Variants in COMMD5 observed in about 807,000 individuals in gnomAD.
The protein encoded by COMMD5 is COMM domain-containing protein 5.
In COMMD5, 10 loss-of-function variants were observed where a neutral mutation model predicts 6.9. That is an observed-to-expected ratio of 1.44 (90% CI 0.89 to 2.45). The LOEUF (loss-of-function observed/expected upper bound fraction) is 2.45, where lower values mean the gene tolerates loss of function less well. Among genes scored for constraint, COMMD5 ranks in the 30% most tolerant of loss-of-function variants. The pLI is 0.00. For synonymous variants in COMMD5, 127 were observed against 125.3 expected (o/e 1.01, Z -0.09); for missense variants, 234 against 287.8 (o/e 0.81, Z 1.35).
chr8:144,850,547 C>T lies in COMMD5; in HGVS notation c.*117G>A. The T allele has an allele frequency of 9.2e-7, 1 of 1,081,860 alleles. No homozygotes were observed. The highest frequency in any genetic ancestry group is 1.3e-6 in the Non-Finnish European group (1 of 760,008). 67.0% of individuals were successfully genotyped at this position (1,081,860 alleles called of 1,614,324 possible). A position where few individuals can be genotyped will look rare whatever the true frequency, so the allele number is the denominator to read the frequency against. On this transcript the variant is annotated 3_prime_UTR_variant, in exon 2 of 2. Coordinates refer to ENST00000305103, the MANE Select transcript of COMMD5 (RefSeq NM_014066.4). The surrounding 1 kb of genome is among the most constrained non-coding windows in gnomAD (Gnocchi z 4.0). ...CTACATAATTACGTTCAAACACTCA[C>T]TGAAGAGCCTGCCTCATGGGAAGGG...
chr8:144,842,510 C>T, intron 1 of COMMD5: 15 of 1,614,160 alleles, frequency 9.3e-6, no homozygotes, highest in Non-Finnish European at 1.3e-5. Flanking sequence ...GGAGAAAAAC[C>T]ATTTAAATGT....
chr8:144,841,319 G>C (rs771987821), exon 2 of COMMD5: 9 of 1,560,398 alleles, frequency 5.8e-6, no homozygotes, highest in Admixed American at 1.8e-5. Context: ...TCTGAGCACA[G>C]GGCCTAAGGA....
rs2727227 is a variant in COMMD5 at position 144,852,887 on chromosome 8, G to C, written c.-106C>G. 3,564 of 152,430 alleles carry C rather than the reference G, an allele frequency of 0.023. 215 individuals carry two copies. The highest frequency in any genetic ancestry group is 0.23 in the East Asian group (1,184 of 5,160). 9.4% of individuals were successfully genotyped at this position (152,430 alleles called of 1,614,324 possible). On this transcript the variant is annotated 5_prime_UTR_variant, in exon 1 of 2. Coordinates refer to ENST00000305103, the MANE Select transcript of COMMD5 (RefSeq NM_014066.4). ...AGCCCCGCAGTATCCAGAGCTCTCC[G>C]AACACAGCGGCGAAGCAGCCTTTCC...
chr8:144,847,351 A>G (rs1329507433), downstream of COMMD5: 1 of 152,196 alleles, frequency 6.6e-6, no homozygotes, highest in Admixed American at 6.5e-5. Flanking sequence ...AGGCCAAGGA[A>G]GGATCACGTG....
intron 1 of COMMD5, chr8:144,843,246 A>G (rs766639157): frequency 2.0e-5 from 29 of 1,436,664 alleles, no homozygotes; most frequent in Non-Finnish European, 2.7e-5. Flanking sequence ...AATCGTTTAT[A>G]CTGACAAACA....
intron 1 of COMMD5, 148 bp from the exon 2 acceptor site, chr8:144,851,543 G>T: frequency 1.6e-6 from 1 of 627,582 alleles, no homozygotes; most frequent in Non-Finnish European, 2.7e-6. Flanking sequence ...GGAAGCAGGT[G>T]GCAGAGGGGT....
chr8:144,846,200 C>A (rs1341164559), downstream of COMMD5: 4 of 1,533,602 alleles, frequency 2.6e-6, no homozygotes, highest in South Asian at 3.6e-5. Context: ...TCTGTGCTAA[C>A]CATAATGCTG....
At chr8:144,841,526 G>A (rs768584021) in exon 2 of COMMD5, 6 of 1,614,154 alleles carry the variant, frequency 3.7e-6, no homozygotes, top group Non-Finnish European at 5.1e-6. Context: ...GGCAGTCCCG[G>A]GCTGAAAGTG....
intron 1 of COMMD5, chr8:144,842,246 A>G: frequency 6.2e-7 from 1 of 1,614,184 alleles, no homozygotes; most frequent in Non-Finnish European, 8.5e-7. Context: ...CTAGCCCAGC[A>G]TCAAAGGATG....
At chr8:144,842,474 T>C (rs1563844420) in intron 1 of COMMD5, 1 of 1,614,188 alleles carries the variant, frequency 6.2e-7, no homozygotes, top group Non-Finnish European at 8.5e-7. Context: ...AGTTCACGGC[T>C]TATTCGCCAT....
At chr8:144,846,237 C>G (rs1309042608), downstream of COMMD5, 1 of 1,476,956 alleles carries the variant, frequency 6.8e-7, no homozygotes, top group African/African-American at 1.4e-5. Flanking sequence ...AGCAACCAGC[C>G]AAAAAGGGGC....
downstream of COMMD5, among the ~76,000 whole-genome samples, chr8:144,848,250 G>A (rs1278422821): frequency 2.0e-5 from 3 of 151,974 alleles, no homozygotes; most frequent in Non-Finnish European, 2.9e-5. Flanking sequence ...AGGCTACAGT[G>A]AGCCATGATC....
At chr8:144,842,757 G>C in intron 1 of COMMD5, 1 of 1,614,240 alleles carries the variant, frequency 6.2e-7, no homozygotes, top group Non-Finnish European at 8.5e-7. Flanking sequence ...ACACTGGAGA[G>C]AGGCCCTATA....
chr8:144,844,275 C>T (rs1000338509), intron 1 of COMMD5, among the ~76,000 whole-genome samples: 1 of 152,176 alleles, frequency 6.6e-6, no homozygotes, highest in Non-Finnish European at 1.5e-5. Context: ...AAGTACCAAC[C>T]CCCCCATCCA....
chr8:144,850,296 C>T lies in COMMD5; in HGVS notation c.*368G>A, dbSNP rs1047287472. The stretch of plus-strand genomic sequence containing the variant: ...GAGTGAAAATGCCCAACCTAAAACA[C>T]AAGATCTACAAAAGCACCTGGCTAC... On this transcript the variant is annotated 3_prime_UTR_variant, in exon 2 of 2. Coordinates refer to ENST00000305103, the MANE Select transcript of COMMD5 (RefSeq NM_014066.4). This position sits in a 1 kb window ranked among gnomAD's most constrained non-coding sequence, Gnocchi z 4.0. 18 of 191,892 alleles carry T rather than the reference C, an allele frequency of 9.4e-5. No individual in the cohort carries two copies. Among genetic ancestry groups the T allele is most frequent in the Non-Finnish European group, 1.7e-4 (16 of 92,862 alleles). 11.9% of individuals were successfully genotyped at this position (191,892 alleles called of 1,614,324 possible).
Position 144,850,634 on chromosome 8 carries a change from G to C in COMMD5, c.*30C>G. The stretch of plus-strand genomic sequence containing the variant: ...ACCATCTCAGGTGCCTGTCCAAGCC[G>C]GATCTGAATGGGACTGGTCAAGTGA... On this transcript the variant is annotated 3_prime_UTR_variant, in exon 2 of 2. Coordinates refer to ENST00000305103, the MANE Select transcript of COMMD5 (RefSeq NM_014066.4). The surrounding 1 kb of genome is among the most constrained non-coding windows in gnomAD (Gnocchi z 4.0). 1 of 1,592,440 alleles carries C rather than the reference G, an allele frequency of 6.3e-7. No individual in the cohort carries two copies. The highest frequency in any genetic ancestry group is 1.1e-5 in the South Asian group (1 of 89,670).
rs754887321 is a variant in COMMD5 at position 144,851,035 on chromosome 8, T to TG, written c.303dup (p.Thr102HisfsTer6). ...CTGAAGGTGTCAGGCTTCAGGCTGG[T>TG]GGGGGGCAGACGGAGGGCCTGCTGG... is the stretch of plus-strand genomic sequence containing the variant. On this transcript the variant is annotated frameshift_variant, in exon 2 of 2. Transcript: ENST00000305103. LOFTEE classifies it high-confidence loss of function. 6.2e-7 allele frequency: 1 copy of TG among 1,612,514 alleles called. No homozygotes were observed. Among genetic ancestry groups the TG allele is most frequent in the Admixed American group, 1.7e-5 (1 of 60,000 alleles).
chr8:144,848,670 G>A (rs1037280661), downstream of COMMD5, among the ~76,000 whole-genome samples: 1 of 152,210 alleles, frequency 6.6e-6, no homozygotes, highest in Non-Finnish European at 1.5e-5. Context: ...TGAGTCAGAG[G>A]AAGTGGCCTC....
At chr8:144,842,590 A>G (rs768924132) in intron 1 of COMMD5, 2 of 1,614,250 alleles carry the variant, frequency 1.2e-6, no homozygotes, top group East Asian at 2.2e-5. Flanking sequence ...CACTGGAGAG[A>G]AACCCTATGT....
Sources: allele counts gnomAD v4.1 joint callset (sites outside exome capture counted in the v4.1 genomes callset), GRCh38; gene constraint gnomAD v4.1.1; non-coding constraint Gnocchi (gnomAD v3.1); transcripts MANE v1.5; gene names NCBI Gene and HGNC (gene_info 2026-07-23, HGNC 2026-07-21).